The following CSMD1 variants were observed in gnomAD, a reference collection of about 807,000 sequenced individuals.
CSMD1 encodes CUB and sushi domain-containing protein 1.
CSMD1 carries 213 observed loss-of-function variants against 417.5 expected under a neutral mutation model. That is an observed-to-expected ratio of 0.51 (90% CI 0.46 to 0.57). The LOEUF is 0.57. CSMD1 is among the 20% of genes least tolerant of loss of function. The pLI is 0.00. For synonymous variants in CSMD1, 2,862 were observed against 1,736.8 expected (o/e 1.65, Z -16.11); for missense variants, 6,923 against 4,529.7 (o/e 1.53, Z -15.17).
At chr8:4,125,976 C>T (rs1192256826) in intron 3 of CSMD1, among the ~76,000 whole-genome samples, 1 of 152,122 alleles carries the variant, frequency 6.6e-6, no homozygotes, top group East Asian at 1.9e-4. Context: ...AACCTAAGAT[C>T]TAAGATCGGT....
intron 3 of CSMD1, among the ~76,000 whole-genome samples, chr8:4,336,478 G>C (rs960361258): frequency 6.6e-6 from 1 of 152,116 alleles, no homozygotes; most frequent in Non-Finnish European, 1.5e-5. Flanking sequence ...TGAGCCTTCA[G>C]ACACGGAAAC....
chr8:3,995,660 A>C (rs1477259309), intron 5 of CSMD1, among the ~76,000 whole-genome samples: 3 of 152,208 alleles, frequency 2.0e-5, no homozygotes, highest in Non-Finnish European at 4.4e-5. Context: ...TTTTATTTTT[A>C]AATCTACAAT....
intron 7 of CSMD1, among the ~76,000 whole-genome samples, chr8:3,619,261 A>C (rs1024934187): frequency 6.6e-6 from 1 of 152,190 alleles, no homozygotes; most frequent in Non-Finnish European, 1.5e-5. Context: ...AAAAACGTGA[A>C]AACACCTAAA....
chr8:3,548,360 C>T (rs375669356), intron 10 of CSMD1, among the ~76,000 whole-genome samples: 1 of 152,174 alleles, frequency 6.6e-6, no homozygotes, highest in African/African-American at 2.4e-5. Context: ...TCGAGTTCTT[C>T]AGTGGTGATT....
intron 3 of CSMD1, among the ~76,000 whole-genome samples, chr8:4,034,611 G>A (rs993459454): frequency 6.6e-6 from 1 of 152,092 alleles, no homozygotes; most frequent in East Asian, 1.9e-4. Context: ...CAGCTGAGCC[G>A]AGAGCTCTTA....
At chr8:4,627,083 G>A (rs1450766339) in intron 2 of CSMD1, among the ~76,000 whole-genome samples, 3 of 152,034 alleles carry the variant, frequency 2.0e-5, no homozygotes, top group African/African-American at 7.2e-5. Flanking sequence ...TTTGTATATA[G>A]CATTCATTCC....
chr8:4,159,499 A>T (rs1797024635), intron 3 of CSMD1, among the ~76,000 whole-genome samples: 1 of 152,220 alleles, frequency 6.6e-6, no homozygotes. Flanking sequence ...GTGGATAAAG[A>T]AACTGTGGTA....
chr8:3,561,223 G>A (rs917916651), intron 10 of CSMD1, among the ~76,000 whole-genome samples: 2 of 152,130 alleles, frequency 1.3e-5, no homozygotes, highest in African/African-American at 2.4e-5. Flanking sequence ...AAAACAGTAT[G>A]GAAGTTTCTC....
intron 7 of CSMD1, among the ~76,000 whole-genome samples, chr8:3,649,975 A>G (rs1797765872): frequency 6.6e-6 from 1 of 152,036 alleles, no homozygotes; most frequent in African/African-American, 2.4e-5. Context: ...ATGCTAGGAG[A>G]GGTTAAAAAA....
chr8:3,912,746 C>T (rs1450739772), intron 5 of CSMD1, among the ~76,000 whole-genome samples: 3 of 152,190 alleles, frequency 2.0e-5, no homozygotes, highest in South Asian at 2.1e-4. Context: ...AAGAGGCAGA[C>T]TGCAGTCTGC....
At chr8:4,485,665 G>C (rs1432875585) in intron 2 of CSMD1, among the ~76,000 whole-genome samples, 1 of 152,066 alleles carries the variant, frequency 6.6e-6, no homozygotes. Context: ...CCAGGTAAAT[G>C]AGGCTGACCA....
intron 23 of CSMD1, among the ~76,000 whole-genome samples, chr8:3,318,329 A>C (rs1805917161): frequency 6.6e-6 from 1 of 152,196 alleles, no homozygotes; most frequent in African/African-American, 2.4e-5. Context: ...TGAGAACATA[A>C]ATCTGGAGTA....
At chr8:3,128,379 T>G (rs1048124431) in intron 41 of CSMD1, 1 of 153,378 alleles carries the variant, frequency 6.5e-6, no homozygotes, top group African/African-American at 2.4e-5. Context: ...TCATTTAACT[T>G]CAAGACAGCT....
chr8:4,982,275 G>C (rs1351783568), intron 1 of CSMD1, among the ~76,000 whole-genome samples: 1 of 152,196 alleles, frequency 6.6e-6, no homozygotes, highest in Non-Finnish European at 1.5e-5. Flanking sequence ...ACAGTAGTTA[G>C]CTAATGCAAA....
intron 5 of CSMD1, among the ~76,000 whole-genome samples, chr8:3,787,689 A>G (rs1799522366): frequency 6.6e-6 from 1 of 152,186 alleles, no homozygotes. Flanking sequence ...AATTATTGTA[A>G]GTTTTCACAC....
At chr8:2,979,063 C>G (rs141418019) in intron 54 of CSMD1, among the ~76,000 whole-genome samples, 5 of 152,248 alleles carry the variant, frequency 3.3e-5, no homozygotes, top group Non-Finnish European at 7.4e-5. Context: ...GTTTATTCAA[C>G]GTAAATTCTG....
chr8:3,739,064 C>T lies in CSMD1; in HGVS notation c.931+14866G>A, dbSNP rs7826250. ...TTCTAGTTATGTTCTTACATTTCACCTGACACAGGTTTAATTTCAAAATAG... is the reference window on the plus strand; with the variant it reads ...TTCTAGTTATGTTCTTACATTTCACTTGACACAGGTTTAATTTCAAAATAG... On this transcript the variant is annotated intron_variant, in intron 6 of 69. Transcript: ENST00000635120. Among the ~76,000 whole-genome samples the T allele has an allele frequency of 5.7e-3, 867 of 152,178 alleles. 13 individuals carry two copies. Among genetic ancestry groups the T allele is most frequent in the African/African-American group, 0.02 (828 of 41,508 alleles).
At chr8:4,235,179 G>A (rs756123449) in intron 3 of CSMD1, among the ~76,000 whole-genome samples, 1 of 152,056 alleles carries the variant, frequency 6.6e-6, no homozygotes, top group Non-Finnish European at 1.5e-5. Flanking sequence ...TCTTTCAGAG[G>A]CATCTCTCTC....
At chr8:3,902,092 A>G (rs1020537841) in intron 5 of CSMD1, among the ~76,000 whole-genome samples, 2 of 152,104 alleles carry the variant, frequency 1.3e-5, no homozygotes, top group African/African-American at 4.8e-5. Context: ...TGTCTTGAAA[A>G]CCAGCCTGAA....
Sources: gnomAD v4.1 joint callset for allele counts (sites outside exome capture counted in the v4.1 genomes callset) on GRCh38, gnomAD v4.1.1 for gene constraint, MANE v1.5 for transcripts, NCBI Gene and HGNC (gene_info 2026-07-23, HGNC 2026-07-21) for gene names.